Variants in GPR161 observed in about 807,000 individuals in gnomAD.
GPR161 encodes the protein G protein-coupled receptor 161.
Under a neutral mutation model 39.2 loss-of-function variants are expected in GPR161, and 25 were observed. That is an observed-to-expected ratio of 0.64 (90% confidence interval 0.47 to 0.89). GPR161 has a LOEUF of 0.89. Among genes scored for constraint, GPR161 ranks in the 40% least tolerant of loss-of-function variants. The probability of loss-of-function intolerance (pLI) is 0.00; values close to 1 mark genes in which losing one functional copy is unlikely to be tolerated. For synonymous variants in GPR161, 286 were observed against 276.6 expected (o/e 1.03, Z -0.34); for missense variants, 547 against 677.8 (o/e 0.81, Z 2.14).
chr1:168,125,209 T>C (rs1313683481), intron 1 of GPR161, among the ~76,000 whole-genome samples: 1 of 152,218 alleles, frequency 6.6e-6, no homozygotes, highest in Non-Finnish European at 1.5e-5. Context: ...GCTAATACTA[T>C]CCTGAGGGAG....
intron 2 of GPR161, among the ~76,000 whole-genome samples, 183 bp downstream of exon 2, chr1:168,104,294 C>T (rs1696381126): frequency 6.6e-6 from 1 of 152,114 alleles, no homozygotes; most frequent in African/African-American, 2.4e-5. Flanking sequence ...ATGTAACATC[C>T]ACAGACAAAA....
rs1697879156 is a variant in GPR161, at chr1:168,119,137, A to G, written c.-44-14243T>C. Among the ~76,000 whole-genome samples, 4 of 149,814 alleles carry G rather than the reference A, an allele frequency of 2.7e-5. 1 individual carries two copies. The highest frequency in any genetic ancestry group is 2.5e-5 in the African/African-American group (1 of 40,448). On this transcript the variant is annotated intron_variant, in intron 1 of 5. Transcript: ENST00000682931. ...GTCTCAAAGAGATATTTGCACACCA[A>G]TATTCATAGCAGCATTATTCACCAT...
chr1:168,086,213 A>G (rs275141), intron 5 of GPR161, among the ~76,000 whole-genome samples: 113 of 152,292 alleles, frequency 7.4e-4, no homozygotes, highest in African/African-American at 2.5e-3. Flanking sequence ...CAGTGTAACA[A>G]AACTTCCACA....
intron 1 of GPR161, among the ~76,000 whole-genome samples, chr1:168,115,370 G>C (rs929786065): frequency 1.3e-5 from 2 of 152,076 alleles, no homozygotes; most frequent in African/African-American, 4.8e-5. Context: ...GGTACCAGAA[G>C]CCTTCCCTTT....
chr1:168,098,018 TAGG>T lies in GPR161; in HGVS notation c.375-789_375-787del, dbSNP rs1695720309. On this transcript the variant is annotated intron_variant, in intron 2 of 5. Coordinates refer to ENST00000682931, the MANE Select transcript of GPR161 (RefSeq NM_001375883.1). The surrounding 1 kb of genome is among the most constrained non-coding windows in gnomAD (Gnocchi z 4.1). ...GTCCGAATCACTCAGTGCTGCTAGGTAGGAGGTGGGCCAGGAGGGCTATCCATT... is the reference window on the plus strand; with the variant it reads ...GTCCGAATCACTCAGTGCTGCTAGGTAGGTGGGCCAGGAGGGCTATCCATT... Among the ~76,000 whole-genome samples the T allele has an allele frequency of 6.6e-6, 1 of 151,980 alleles. No individual in the cohort carries two copies. The highest frequency in any genetic ancestry group is 2.1e-4 in the South Asian group (1 of 4,808).
chr1:168,134,893 C>A (rs529548517), intron 1 of GPR161: 2 of 1,535,138 alleles, frequency 1.3e-6, no homozygotes, highest in African/African-American at 2.7e-5. Flanking sequence ...GAGTTTACAC[C>A]ACAGAACTGT....
chr1:168,089,486 A>C (rs568289833), intron 4 of GPR161: 15 of 152,346 alleles, frequency 9.8e-5, no homozygotes, highest in Non-Finnish European at 2.2e-4. Context: ...ACACAGGCTT[A>C]GGCGCAGCCC....
At chr1:168,127,842 G>A (rs907380127) in intron 1 of GPR161, among the ~76,000 whole-genome samples, 29 of 152,326 alleles carry the variant, frequency 1.9e-4, no homozygotes, top group African/African-American at 6.3e-4. Flanking sequence ...AACACAGCCA[G>A]AGCATATCAA....
intron 3 of GPR161, 129 bp from the exon 4 acceptor site, chr1:168,090,797 A>T (rs1694989967): frequency 1.8e-6 from 1 of 547,336 alleles, no homozygotes; most frequent in Non-Finnish European, 3.3e-6. Flanking sequence ...AACTCCCTGA[A>T]AGACAGGAGA....
chr1:168,086,854 G>A (rs1694553855), intron 5 of GPR161, among the ~76,000 whole-genome samples: 1 of 152,202 alleles, frequency 6.6e-6, no homozygotes, highest in South Asian at 2.1e-4. Context: ...GGGGTGTGGA[G>A]AAGAGATGTG....
At position 168,083,113 on chromosome 1, in the gene GPR161, G is replaced by A. The variant is rs1207755304; in HGVS notation, c.*2418C>T. 1 of 152,082 alleles carries A rather than the reference G, an allele frequency of 6.6e-6. No individual in the cohort carries two copies. Among genetic ancestry groups the A allele is most frequent in the Non-Finnish European group, 1.5e-5 (1 of 68,028 alleles). 9.4% of individuals were successfully genotyped at this position (152,082 alleles called of 1,614,324 possible). On this transcript the variant is annotated 3_prime_UTR_variant, in exon 6 of 6. Coordinates refer to ENST00000682931, the MANE Select transcript of GPR161 (RefSeq NM_001375883.1). Reference sequence around the variant, plus strand: ...CTTGACTTTGCTAGTTATTAGAATCGGTATCCACAGGTCCTGCTCCCTAAA... The same window carrying A: ...CTTGACTTTGCTAGTTATTAGAATCAGTATCCACAGGTCCTGCTCCCTAAA...
chr1:168,136,533 C>T, intron 1 of GPR161: 2 of 1,265,896 alleles, frequency 1.6e-6, no homozygotes, highest in Admixed American at 4.2e-5. Flanking sequence ...CAAAGAGCTC[C>T]AGCTCTCCAA....
At chr1:168,100,956 G>A (rs932405759) in intron 2 of GPR161, among the ~76,000 whole-genome samples, 5 of 152,152 alleles carry the variant, frequency 3.3e-5, no homozygotes, top group African/African-American at 1.2e-4. Context: ...GTCAAATGGT[G>A]TCCCCAGCAC....
intron 1 of GPR161, chr1:168,135,138 G>A: frequency 7.3e-7 from 1 of 1,361,788 alleles, no homozygotes; most frequent in African/African-American, 1.5e-5. Flanking sequence ...TTGATGTTAT[G>A]GCAGTGGAGC....
At chr1:168,106,422 C>A (rs1389306841) in intron 1 of GPR161, among the ~76,000 whole-genome samples, 1 of 152,172 alleles carries the variant, frequency 6.6e-6, no homozygotes, top group Non-Finnish European at 1.5e-5. Context: ...ACTGTCTCTA[C>A]AGAAAAATAC....
chr1:168,119,215 CAT>C lies in GPR161; in HGVS notation c.-44-14323_-44-14322del, dbSNP rs1191126284. Among the ~76,000 whole-genome samples, 93 of 110,486 alleles carry C rather than the reference CAT, an allele frequency of 8.4e-4. 3 individuals carry two copies. Among genetic ancestry groups the C allele is most frequent in the South Asian group, 2.5e-3 (10 of 4,044 alleles). 72.5% of individuals were successfully genotyped at this position (110,486 alleles called of 152,430 possible). A position where few individuals can be genotyped will look rare whatever the true frequency, so the allele number is the denominator to read the frequency against. On this transcript the variant is annotated intron_variant, in intron 1 of 5. Transcript: ENST00000682931. ...TCCATCATATATATATATATGTATACATATATATATACGTATATATATATATA... is the reference window on the plus strand; with the variant it reads ...TCCATCATATATATATATATGTATACATATATATACGTATATATATATATA...
intron 1 of GPR161, among the ~76,000 whole-genome samples, chr1:168,115,711 C>T (rs1697562704): frequency 1.3e-5 from 2 of 152,070 alleles, no homozygotes; most frequent in Admixed American, 6.5e-5. Context: ...CCTGACGCCT[C>T]TCTAATGAGG....
intron 3 of GPR161, among the ~76,000 whole-genome samples, chr1:168,091,075 A>C (rs1319849028): frequency 6.6e-6 from 1 of 152,190 alleles, no homozygotes; most frequent in Non-Finnish European, 1.5e-5. Flanking sequence ...AGAGGCTTAC[A>C]CCCCAAAGGA....
At chr1:168,122,483 C>T (rs889276260) in intron 1 of GPR161, among the ~76,000 whole-genome samples, 4 of 152,220 alleles carry the variant, frequency 2.6e-5, no homozygotes, top group Non-Finnish European at 5.9e-5. Flanking sequence ...AAACAAGTCA[C>T]GGCTTCCCTC....
Sources: gnomAD v4.1 joint callset for allele counts (sites outside exome capture counted in the v4.1 genomes callset) on GRCh38, gnomAD v4.1.1 for gene constraint, Gnocchi (gnomAD v3.1) non-coding constraint, MANE v1.5 for transcripts, NCBI Gene and HGNC (gene_info 2026-07-23, HGNC 2026-07-21) for gene names.